The following UST variants were observed in gnomAD, a reference collection of about 807,000 sequenced individuals.
The protein encoded by UST is uronyl 2-sulfotransferase.
UST carries 21 observed loss-of-function variants against 45.6 expected under a neutral mutation model. That is an observed-to-expected ratio of 0.46 (90% confidence interval 0.33 to 0.66). The LOEUF is 0.66. UST is among the 30% of genes least tolerant of loss of function. UST has a pLI of 0.02. For missense variants in UST, 463 were observed against 512.4 expected (o/e 0.90, Z 0.93); for synonymous variants, 215 against 200.6 (o/e 1.07, Z -0.61).
chr6:148,902,142 G>T (rs1779271368), intron 2 of UST, among the ~76,000 whole-genome samples: 1 of 152,034 alleles, frequency 6.6e-6, no homozygotes, highest in African/African-American at 2.4e-5. Context: ...TCTGTGTCTG[G>T]TGTGTATAAG....
At chr6:148,930,739 A>G (rs1288638333) in intron 2 of UST, among the ~76,000 whole-genome samples, 3 of 152,192 alleles carry the variant, frequency 2.0e-5, no homozygotes, top group African/African-American at 7.2e-5. Context: ...AGGGATAGGA[A>G]GAGGTGTGAC....
At chr6:149,002,729 A>G (rs949640071) in intron 5 of UST, among the ~76,000 whole-genome samples, 8 of 152,040 alleles carry the variant, frequency 5.3e-5, no homozygotes, top group Admixed American at 3.9e-4. Context: ...CTGGTCTCGA[A>G]CTCCTGACCT....
rs972008548 is a variant in UST at position 148,790,130 on chromosome 6, G to A, written c.247+42453G>A. ...ATCCTTGCAGCGGTGTCAGACTTTA[G>A]CTGCTTCCTGTAGCTCGTTCCCTGA... On this transcript the variant is annotated intron_variant, in intron 1 of 7. Transcript: ENST00000367463. This position sits in a 1 kb window ranked among gnomAD's most constrained non-coding sequence, Gnocchi z 4.2. Among the ~76,000 whole-genome samples, 1 of 151,874 alleles carries A rather than the reference G, an allele frequency of 6.6e-6. No homozygotes were observed. Among genetic ancestry groups the A allele is most frequent in the African/African-American group, 2.4e-5 (1 of 41,328 alleles).
intron 2 of UST, among the ~76,000 whole-genome samples, chr6:148,927,426 C>T (rs571968302): frequency 1.3e-5 from 2 of 151,770 alleles, no homozygotes; most frequent in Non-Finnish European, 2.9e-5. Context: ...ATGGTAATGT[C>T]GTTCTCATTT....
intron 1 of UST, among the ~76,000 whole-genome samples, chr6:148,852,198 C>T (rs1274557181): frequency 6.6e-6 from 1 of 152,160 alleles, no homozygotes; most frequent in Non-Finnish European, 1.5e-5. Flanking sequence ...GAGTCGGGAA[C>T]ATTTTGTGTT....
At chr6:148,871,117 C>CCTTTCTCTCTCT (rs1554221898) in intron 1 of UST, among the ~76,000 whole-genome samples, 10 of 97,598 alleles carry the variant, frequency 1.0e-4, no homozygotes, top group African/African-American at 4.6e-4. Context: ...GCATTCTCTC[C>CCTTTCTCTCTCT]CTCTCTCTCT....
chr6:148,757,292 C>G (rs1327127564), intron 1 of UST, among the ~76,000 whole-genome samples: 1 of 152,338 alleles, frequency 6.6e-6, no homozygotes, highest in East Asian at 1.9e-4. Context: ...TGTGTGCATA[C>G]AGTTAGAATG....
chr6:148,931,857 G>A (rs1779927349), intron 2 of UST, among the ~76,000 whole-genome samples: 1 of 152,194 alleles, frequency 6.6e-6, no homozygotes, highest in South Asian at 2.1e-4. Flanking sequence ...TAGAAGAGTG[G>A]ACAGAAGCCG....
At chr6:148,916,273 C>G (rs980567668) in intron 2 of UST, among the ~76,000 whole-genome samples, 1 of 152,118 alleles carries the variant, frequency 6.6e-6, no homozygotes, top group Non-Finnish European at 1.5e-5. Flanking sequence ...AGTAATTTGC[C>G]GAAAGGGATG....
At chr6:149,042,806 G>A (rs994352371) in intron 7 of UST, among the ~76,000 whole-genome samples, 3 of 152,140 alleles carry the variant, frequency 2.0e-5, no homozygotes, top group African/African-American at 7.2e-5. Context: ...CTAAATGTGA[G>A]ATGGGGTCTC....
intron 1 of UST, among the ~76,000 whole-genome samples, chr6:148,769,108 A>G (rs1776371905): frequency 6.6e-6 from 1 of 152,078 alleles, no homozygotes; most frequent in African/African-American, 2.4e-5. Flanking sequence ...AAAAAACACA[A>G]CCCCTGGACA....
At chr6:148,989,219 A>AC (rs1345904773) in intron 5 of UST, among the ~76,000 whole-genome samples, 13 of 67,942 alleles carry the variant, frequency 1.9e-4, no homozygotes, top group South Asian at 2.1e-3. Context: ...GCCCCCCCCC[A>AC]CCCCCCGCAA....
chr6:149,049,941 A>T (rs1201831639), intron 7 of UST, among the ~76,000 whole-genome samples: 1 of 141,324 alleles, frequency 7.1e-6, no homozygotes, highest in East Asian at 1.9e-4. Context: ...TCACACACAC[A>T]CACACACACA....
chr6:149,042,797 T>A (rs898617961), intron 7 of UST, among the ~76,000 whole-genome samples: 1 of 152,206 alleles, frequency 6.6e-6, no homozygotes, highest in African/African-American at 2.4e-5. Context: ...TATTTTTTCC[T>A]AAATGTGAGA....
chr6:148,896,287 T>C (rs145401097), intron 2 of UST, among the ~76,000 whole-genome samples: 2,338 of 152,376 alleles, frequency 0.015, 45 homozygotes, highest in Non-Finnish European at 0.02. Flanking sequence ...TCAAAGCCTA[T>C]TTTTCAGGAT....
chr6:148,826,780 C>G (rs1777575544), intron 1 of UST, among the ~76,000 whole-genome samples: 1 of 152,198 alleles, frequency 6.6e-6, no homozygotes, highest in Non-Finnish European at 1.5e-5. Flanking sequence ...GTTTCCTTGC[C>G]TTTTCAGCTT....
chr6:148,896,184 G>C (rs1779125641), intron 2 of UST, among the ~76,000 whole-genome samples: 1 of 152,236 alleles, frequency 6.6e-6, no homozygotes, highest in African/African-American at 2.4e-5. Flanking sequence ...TGGATTTTGT[G>C]TGTATACACA....
chr6:148,997,880 C>T (rs545937772), intron 5 of UST, among the ~76,000 whole-genome samples: 1 of 152,118 alleles, frequency 6.6e-6, no homozygotes, highest in Non-Finnish European at 1.5e-5. Context: ...TATTACGAGT[C>T]CTTAATGACC....
intron 5 of UST, chr6:148,990,249 A>G (rs972872571): frequency 3.1e-5 from 7 of 223,276 alleles, no homozygotes; most frequent in Non-Finnish European, 4.5e-5. Flanking sequence ...GTAGCTTTTT[A>G]TCGTCCTCTT....
Sources: gnomAD v4.1 joint callset for allele counts (sites outside exome capture counted in the v4.1 genomes callset) on GRCh38, gnomAD v4.1.1 for gene constraint, Gnocchi (gnomAD v3.1) non-coding constraint, MANE v1.5 for transcripts, NCBI Gene and HGNC (gene_info 2026-07-23, HGNC 2026-07-21) for gene names.